Variants in ENOPH1 observed in about 807,000 individuals in gnomAD.
ENOPH1 encodes the protein enolase-phosphatase E1.
A neutral mutation model predicts 31.1 loss-of-function variants in ENOPH1; 14 were observed. The observed-to-expected ratio is 0.45, with a 90% CI of 0.30 to 0.70. The LOEUF (loss-of-function observed/expected upper bound fraction) is 0.70, where lower values mean the gene tolerates loss of function less well. ENOPH1 is among the 30% of genes least tolerant of loss of function. The probability of loss-of-function intolerance (pLI) is 0.09; values close to 1 mark genes in which losing one functional copy is unlikely to be tolerated. For synonymous variants in ENOPH1, 127 were observed against 123.2 expected (o/e 1.03, Z -0.21); for missense variants, 243 against 321.5 (o/e 0.76, Z 1.87).
intron 1 of ENOPH1, among the ~76,000 whole-genome samples, chr4:82,432,142 T>C (rs931168660): frequency 8.5e-5 from 13 of 152,076 alleles, no homozygotes; most frequent in Non-Finnish European, 1.3e-4. Flanking sequence ...TCTGGAATTC[T>C]TGGCCTCCCA....
At chr4:82,456,777 A>G in intron 4 of ENOPH1, 138 bp from the exon 5 acceptor site, 1 of 1,067,840 alleles carries the variant, frequency 9.4e-7, no homozygotes, top group African/African-American at 1.6e-5. Flanking sequence ...TATAGCCTCC[A>G]TAAAGTTCCC....
At chr4:82,430,991 C>T in intron 1 of ENOPH1, 78 bp downstream of exon 1, 2 of 1,321,530 alleles carry the variant, frequency 1.5e-6, no homozygotes, top group Admixed American at 1.9e-5. Context: ...TCAGGCCTTG[C>T]ATTGGAGACG....
At chr4:82,458,233 G>A (rs988593615) in intron 5 of ENOPH1, among the ~76,000 whole-genome samples, 3 of 152,172 alleles carry the variant, frequency 2.0e-5, no homozygotes, top group Admixed American at 6.5e-5. Flanking sequence ...ATGGCTGGGC[G>A]CGGTAACTCA....
chr4:82,451,575 G>T (rs1722353555), intron 3 of ENOPH1, among the ~76,000 whole-genome samples: 1 of 152,116 alleles, frequency 6.6e-6, no homozygotes, highest in South Asian at 2.1e-4. Flanking sequence ...AGCTCCGTTG[G>T]GCTGCTTGCC....
At chr4:82,446,483 T>G (rs956755634) in intron 1 of ENOPH1, among the ~76,000 whole-genome samples, 1 of 151,800 alleles carries the variant, frequency 6.6e-6, no homozygotes, top group Non-Finnish European at 1.5e-5. Flanking sequence ...GACAGTGCAA[T>G]CCTCCGATGA....
At chr4:82,437,926 C>T (rs1011918834) in intron 1 of ENOPH1, among the ~76,000 whole-genome samples, 1 of 152,112 alleles carries the variant, frequency 6.6e-6, no homozygotes, top group African/African-American at 2.4e-5. Context: ...AGGTGGTACT[C>T]TATTATATTT....
In ENOPH1 at chr4:82,451,086, C is replaced by T. The variant is rs1230596888; in HGVS notation, c.230C>T (p.Ala77Val). The T allele has an allele frequency of 1.9e-6, 3 of 1,614,182 alleles. No homozygotes were observed. The highest frequency in any genetic ancestry group is 1.3e-5 in the African/African-American group (1 of 75,050). The change falls in exon 3 of 6, where the codon GCA (alanine) becomes GTA (valine). Residue 77 changes from alanine to valine, a missense_variant. By Grantham distance (64) the Ala-to-Val change is moderately conservative (BLOSUM62 0). Coordinates refer to ENST00000273920, the MANE Select transcript of ENOPH1 (RefSeq NM_021204.5). ...CTGGATGGGGCTGTTCCTATCCCTG[C>T]AGCATCTGGGAATGGAGTGGATGAT... is the stretch of plus-strand genomic sequence containing the variant. ...AHLDGAVPIP[A>V]ASGNGVDDLQ...
At chr4:82,444,314 C>T (rs921797536) in intron 1 of ENOPH1, among the ~76,000 whole-genome samples, 5 of 152,058 alleles carry the variant, frequency 3.3e-5, no homozygotes, top group South Asian at 2.1e-4. Flanking sequence ...CTCCGCCTCC[C>T]GGGTTCAAGC....
chr4:82,460,026 T>G lies in ENOPH1; in HGVS notation c.692T>G (p.Val231Gly). Residue 231 changes from valine to glycine, a missense_variant, in exon 6 of 6, where the codon GTG becomes GGG. Val to Gly is a moderately radical substitution (Grantham distance 109). Coordinates refer to ENST00000273920, the MANE Select transcript of ENOPH1 (RefSeq NM_021204.5). ...GCAGATGTGCACGTAGCTGTGGTGG[T>G]GAGACCAGGCAACGCAGGATTAACA... is the stretch of plus-strand genomic sequence containing the variant. ...EEADVHVAVV[V>G]RPGNAGLTDD... is the part of the protein sequence containing the mutation. 6.2e-7 allele frequency: 1 copy of G among 1,614,118 alleles called. No homozygotes were observed. Among genetic ancestry groups the G allele is most frequent in the Non-Finnish European group, 8.5e-7 (1 of 1,180,022 alleles).
intron 5 of ENOPH1, among the ~76,000 whole-genome samples, 157 bp downstream of exon 5, chr4:82,457,195 A>G (rs762458363): frequency 2.4e-4 from 37 of 151,938 alleles, no homozygotes; most frequent in Admixed American, 2.1e-3. Context: ...GTTCAAGTTC[A>G]TGTTTGAATT....
intron 1 of ENOPH1, among the ~76,000 whole-genome samples, chr4:82,433,316 G>A (rs990135745): frequency 6.6e-6 from 1 of 151,584 alleles, no homozygotes; most frequent in South Asian, 2.1e-4. Flanking sequence ...TGGAATCTTT[G>A]TGTCTGTGGC....
In ENOPH1 at chr4:82,430,613, G is replaced by A. The variant is rs879030656; in HGVS notation, c.-217G>A. Reference sequence around the variant, plus strand: ...TGGTCTCGGGCTCCTGCCCCGTCCTGCTCACGAGTTCAGGGCTCCTGGGCG... The same window carrying A: ...TGGTCTCGGGCTCCTGCCCCGTCCTACTCACGAGTTCAGGGCTCCTGGGCG... On this transcript the variant is annotated 5_prime_UTR_variant, in exon 1 of 6. Coordinates refer to ENST00000273920, the MANE Select transcript of ENOPH1 (RefSeq NM_021204.5). 4 of 560,172 alleles carry A rather than the reference G, an allele frequency of 7.1e-6. No individual in the cohort carries two copies. Among genetic ancestry groups the A allele is most frequent in the South Asian group, 6.4e-5 (3 of 46,800 alleles). 34.7% of individuals were successfully genotyped at this position (560,172 alleles called of 1,614,324 possible). A position where few individuals can be genotyped will look rare whatever the true frequency, so the allele number is the denominator to read the frequency against.
intron 1 of ENOPH1, among the ~76,000 whole-genome samples, chr4:82,436,653 G>A (rs1721911860): frequency 6.7e-6 from 1 of 148,906 alleles, no homozygotes; most frequent in Non-Finnish European, 1.5e-5. Context: ...TGCCACTGCA[G>A]TCCAGCCTGG....
Position 82,441,383 on chromosome 4 carries a change from G to A in ENOPH1, c.85-6537G>A, listed in dbSNP as rs112735596. Among the ~76,000 whole-genome samples the A allele has an allele frequency of 7.7e-3, 1,175 of 152,254 alleles. 9 individuals are homozygous for A. The highest frequency in any genetic ancestry group is 0.015 in the South Asian group (70 of 4,824). ...CATGCCTGTAATCCCAGCTGTTTGGGAGGCCAAGGTGGGCAGATCACGAGG... is the reference window on the plus strand; with the variant it reads ...CATGCCTGTAATCCCAGCTGTTTGGAAGGCCAAGGTGGGCAGATCACGAGG... On this transcript the variant is annotated intron_variant, in intron 1 of 5. Coordinates refer to ENST00000273920, the MANE Select transcript of ENOPH1 (RefSeq NM_021204.5).
chr4:82,449,285 AGTCTCTACATTTTTTATTAAC>A (rs1480582296), intron 2 of ENOPH1, among the ~76,000 whole-genome samples: 1 of 152,198 alleles, frequency 6.6e-6, no homozygotes, highest in Non-Finnish European at 1.5e-5. Flanking sequence ...GGTTTTGAGC[AGTCTCTACATTTTTTATTAAC>A]GTCTCTATAT....
intron 5 of ENOPH1, among the ~76,000 whole-genome samples, chr4:82,457,782 C>G (rs1056557866): frequency 6.6e-6 from 1 of 152,174 alleles, no homozygotes; most frequent in Non-Finnish European, 1.5e-5. Context: ...CGGACCTTTG[C>G]TCTATCTCAA....
intron 1 of ENOPH1, among the ~76,000 whole-genome samples, chr4:82,446,006 A>T (rs1722165446): frequency 1.3e-5 from 2 of 152,206 alleles, no homozygotes; most frequent in Non-Finnish European, 2.9e-5. Context: ...CTCTCAGGAA[A>T]GTTGAATGAA....
At chr4:82,439,402 C>G (rs372165752) in intron 1 of ENOPH1, among the ~76,000 whole-genome samples, 11 of 152,124 alleles carry the variant, frequency 7.2e-5, no homozygotes, top group Non-Finnish European at 8.8e-5. Flanking sequence ...ACAATCAGAC[C>G]AGTGTTTGAC....
intron 3 of ENOPH1, among the ~76,000 whole-genome samples, 171 bp from the exon 4 acceptor site, chr4:82,454,551 G>A (rs945110029): frequency 6.6e-6 from 1 of 152,162 alleles, no homozygotes; most frequent in Non-Finnish European, 1.5e-5. Flanking sequence ...CTGTGAGCCT[G>A]GAACTTGGGC....
Sources: allele counts gnomAD v4.1 joint callset (sites outside exome capture counted in the v4.1 genomes callset), GRCh38; gene constraint gnomAD v4.1.1; transcripts MANE v1.5; gene names NCBI Gene and HGNC (gene_info 2026-07-23, HGNC 2026-07-21).